The following CCDC141 variants were observed in gnomAD, a reference collection of about 807,000 sequenced individuals.
CCDC141 encodes the protein coiled-coil domain-containing protein 141.
Under a neutral mutation model 181.0 loss-of-function variants are expected in CCDC141, and 168 were observed. The ratio of observed to expected loss-of-function variants is 0.93; its 90% CI spans 0.82 to 1.05. The LOEUF (loss-of-function observed/expected upper bound fraction) is 1.05, where lower values mean the gene tolerates loss of function less well. CCDC141 is among the 50% of genes least tolerant of loss of function. The pLI, the probability that CCDC141 is intolerant of heterozygous loss-of-function variation, is 0.00. For missense variants in CCDC141, 1,902 were observed against 1,788.5 expected (o/e 1.06, Z -1.14); for synonymous variants, 666 against 642.3 (o/e 1.04, Z -0.56).
intron 2 of CCDC141, among the ~76,000 whole-genome samples, chr2:179,041,377 T>G (rs2043297614): frequency 6.6e-6 from 1 of 152,108 alleles, no homozygotes; most frequent in African/African-American, 2.4e-5. Context: ...TTTACATTTC[T>G]CTAATGATCA....
intron 4 of CCDC141, among the ~76,000 whole-genome samples, chr2:178,966,867 C>A (rs777658541): frequency 6.6e-6 from 1 of 151,754 alleles, no homozygotes; most frequent in Non-Finnish European, 1.5e-5. Flanking sequence ...AAAGGTTAGA[C>A]GAATTGCTAA....
At chr2:179,035,634 A>G (rs1012734263) in intron 2 of CCDC141, among the ~76,000 whole-genome samples, 2 of 152,132 alleles carry the variant, frequency 1.3e-5, no homozygotes, top group Non-Finnish European at 2.9e-5. Flanking sequence ...TGACTGTTGG[A>G]TTTCAGCCAA....
At chr2:178,904,321 T>A (rs114967253) in intron 8 of CCDC141, among the ~76,000 whole-genome samples, 5 of 152,318 alleles carry the variant, frequency 3.3e-5, no homozygotes, top group Non-Finnish European at 7.3e-5. Flanking sequence ...GCACAAGTTG[T>A]TTGTAGCAAA....
At chr2:178,825,720 T>C (rs988754843), downstream of CCDC141, among the ~76,000 whole-genome samples, 3 of 149,006 alleles carry the variant, frequency 2.0e-5, no homozygotes, top group South Asian at 2.1e-4. Context: ...AACCAACATA[T>C]GGAAAAGGGG....
At chr2:178,982,935 T>A (rs961795420) in intron 2 of CCDC141, among the ~76,000 whole-genome samples, 1 of 152,186 alleles carries the variant, frequency 6.6e-6, no homozygotes, top group East Asian at 1.9e-4. Flanking sequence ...CAAAGCAGCC[T>A]GGAAGCTCGA....
intron 4 of CCDC141, among the ~76,000 whole-genome samples, chr2:178,966,680 C>T (rs186480820): frequency 3.6e-4 from 54 of 152,018 alleles, no homozygotes; most frequent in African/African-American, 1.2e-3. Flanking sequence ...TCCAAAAACC[C>T]GAATGCTGCT....
chr2:178,923,096 A>ATTTTTT (rs757686549), intron 6 of CCDC141, among the ~76,000 whole-genome samples: 4 of 137,816 alleles, frequency 2.9e-5, no homozygotes, highest in Non-Finnish European at 1.6e-5. Context: ...CCACCAGTTT[A>ATTTTTT]TTTTTTTTTT....
intron 17 of CCDC141, among the ~76,000 whole-genome samples, chr2:178,857,505 G>A (rs923592098): frequency 1.3e-5 from 2 of 152,142 alleles, no homozygotes; most frequent in Non-Finnish European, 2.9e-5. Context: ...ATACATAGGG[G>A]ATAGATTTTG....
intron 2 of CCDC141, among the ~76,000 whole-genome samples, chr2:178,998,183 G>A (rs1020629607): frequency 1.3e-5 from 2 of 152,024 alleles, no homozygotes; most frequent in Non-Finnish European, 2.9e-5. Context: ...CAATCAACAG[G>A]GAGCTGTAGA....
intron 5 of CCDC141, among the ~76,000 whole-genome samples, chr2:178,959,141 T>C (rs1690284113): frequency 7.2e-6 from 1 of 138,494 alleles, no homozygotes; most frequent in Non-Finnish European, 1.5e-5. Flanking sequence ...TGGGGCCTGT[T>C]GTGGGGTGGG....
At chr2:178,941,826 G>A (rs970512214) in intron 6 of CCDC141, among the ~76,000 whole-genome samples, 2 of 151,222 alleles carry the variant, frequency 1.3e-5, no homozygotes, top group Admixed American at 6.6e-5. Flanking sequence ...CAGGTATGGG[G>A]GTGTGCAGCT....
chr2:179,037,923 G>T (rs1198352364), intron 2 of CCDC141, among the ~76,000 whole-genome samples: 1 of 152,222 alleles, frequency 6.6e-6, no homozygotes, highest in Non-Finnish European at 1.5e-5. Flanking sequence ...AAAAGTTGAT[G>T]CAGTTGCTGC....
At chr2:178,816,587 A>G in the CCDC141 span, among the ~76,000 whole-genome samples, 1 of 152,186 alleles carries the variant, frequency 6.6e-6, no homozygotes, top group Non-Finnish European at 1.5e-5. Context: ...GTATGACAAG[A>G]GTATGTTCAG....
chr2:178,923,408 C>T (rs892795096), intron 6 of CCDC141, among the ~76,000 whole-genome samples: 1 of 152,172 alleles, frequency 6.6e-6, no homozygotes, highest in African/African-American at 2.4e-5. Flanking sequence ...CCGGCCCCAC[C>T]AGTTTATTTT....
chr2:178,874,708 CAG>C (rs1461000719), intron 12 of CCDC141: 2 of 152,212 alleles, frequency 1.3e-5, no homozygotes, highest in Non-Finnish European at 2.9e-5. Flanking sequence ...AAGAACCTGA[CAG>C]GGGTGAGCTC....
chr2:178,834,001 C>G lies in CCDC141; in HGVS notation c.*172G>C, dbSNP rs375508208. The G allele has an allele frequency of 1.5e-6, 1 of 649,500 alleles. No individual in the cohort carries two copies. Among genetic ancestry groups the G allele is most frequent in the Admixed American group, 3.0e-5 (1 of 33,714 alleles). 40.2% of individuals were successfully genotyped at this position (649,500 alleles called of 1,614,324 possible). A position where few individuals can be genotyped will look rare whatever the true frequency, so the allele number is the denominator to read the frequency against. On this transcript the variant is annotated 3_prime_UTR_variant, in exon 24 of 24. Transcript: ENST00000443758. ...TACCAAGCTTCTCAAATATATTAAA[C>G]GCTCCAGAAAATTTGATTATTTCAC...
rs1055999088 is a variant in CCDC141, at chr2:178,833,229, A to T, written c.*944T>A. The T allele has an allele frequency of 5.3e-5, 8 of 152,210 alleles. No homozygotes were observed. Among genetic ancestry groups the T allele is most frequent in the African/African-American group, 1.9e-4 (8 of 41,462 alleles). 9.4% of individuals were successfully genotyped at this position (152,210 alleles called of 1,614,324 possible). ...GTGAGCAGGAGGCCGGTCTGATGAC[A>T]AATTACATTAAACAATATCATTATC... On this transcript the variant is annotated 3_prime_UTR_variant, in exon 24 of 24. Transcript: ENST00000443758.
At chr2:178,823,212 T>G in the CCDC141 span, among the ~76,000 whole-genome samples, 1 of 152,174 alleles carries the variant, frequency 6.6e-6, no homozygotes, top group Non-Finnish European at 1.5e-5. Flanking sequence ...TTTCATTTAT[T>G]AAGTGCATTT....
intron 8 of CCDC141, among the ~76,000 whole-genome samples, chr2:178,898,877 C>A (rs1049929863): frequency 6.6e-6 from 1 of 152,042 alleles, no homozygotes; most frequent in East Asian, 1.9e-4. Context: ...TAAATTAAGC[C>A]TTTTAATACA....
Sources: allele counts gnomAD v4.1 joint callset (sites outside exome capture counted in the v4.1 genomes callset), GRCh38; gene constraint gnomAD v4.1.1; transcripts MANE v1.5; gene names NCBI Gene and HGNC (gene_info 2026-07-23, HGNC 2026-07-21).